Variants in RUNX1T1 observed in about 807,000 individuals in gnomAD.
RUNX1T1 encodes the protein RUNX1 partner transcriptional co-repressor 1, also known as protein CBFA2T1.
In RUNX1T1, 4 loss-of-function variants were observed where a neutral mutation model predicts 62.8. The ratio of observed to expected loss-of-function variants is 0.06; its 90% CI spans 0.03 to 0.15. The LOEUF is 0.15. Among genes scored for constraint, RUNX1T1 ranks in the 10% least tolerant of loss-of-function variants. RUNX1T1 has a pLI of 1.00. For synonymous variants in RUNX1T1, 291 were observed against 286.0 expected (o/e 1.02, Z -0.18); for missense variants, 508 against 754.3 (o/e 0.67, Z 3.82).
At chr8:92,060,522 A>AATATATATATATATAT (rs61066655) in intron 1 of RUNX1T1, among the ~76,000 whole-genome samples, 65 of 76,250 alleles carry the variant, frequency 8.5e-4, no homozygotes, top group Non-Finnish European at 1.4e-3. Flanking sequence ...TCAACTACCA[A>AATATATATATATATAT]ATATATATAT....
At chr8:92,057,275 C>A (rs1188792323) in intron 1 of RUNX1T1, among the ~76,000 whole-genome samples, 2 of 152,166 alleles carry the variant, frequency 1.3e-5, no homozygotes, top group Admixed American at 6.5e-5. Flanking sequence ...TACAAAAGAT[C>A]CTGCCATCAA....
chr8:92,024,314 C>T (rs1401651326), intron 1 of RUNX1T1, among the ~76,000 whole-genome samples: 1 of 151,648 alleles, frequency 6.6e-6, no homozygotes, highest in Non-Finnish European at 1.5e-5. Context: ...TTCAAGACCA[C>T]CCTGGCCAAC....
At chr8:91,964,291 A>C (rs1458474871) in intron 10 of RUNX1T1, among the ~76,000 whole-genome samples, 2 of 152,150 alleles carry the variant, frequency 1.3e-5, no homozygotes, top group East Asian at 3.9e-4. Context: ...CTGCAGAAAA[A>C]TCTTTTTCTG....
exon 6 of RUNX1T1, chr8:91,991,742 T>C (rs1202956881): frequency 1.2e-6 from 2 of 1,613,480 alleles, no homozygotes; most frequent in Admixed American, 1.7e-5. Context: ...AATGCTGAGG[T>C]GGAGGTGGGG....
At chr8:92,095,032 G>C in intron 1 of RUNX1T1, 1 of 1,535,356 alleles carries the variant, frequency 6.5e-7, no homozygotes, top group East Asian at 2.4e-5. Context: ...TCTCACCTCG[G>C]TGAGTCCTGT....
At chr8:91,981,520 T>C (rs1316810906) in intron 8 of RUNX1T1, among the ~76,000 whole-genome samples, 2 of 136,586 alleles carry the variant, frequency 1.5e-5, no homozygotes, top group Non-Finnish European at 3.1e-5. Context: ...GTTCAAGCAA[T>C]ACTCCGGCCT....
At chr8:92,066,602 T>A (rs1022723940), upstream of RUNX1T1, among the ~76,000 whole-genome samples, 1 of 152,208 alleles carries the variant, frequency 6.6e-6, no homozygotes, top group African/African-American at 2.4e-5. Context: ...TCTCATCACT[T>A]TGACAGTCAA....
At chr8:92,053,454 A>G (rs1830536682) in intron 1 of RUNX1T1, among the ~76,000 whole-genome samples, 1 of 152,102 alleles carries the variant, frequency 6.6e-6, no homozygotes, top group South Asian at 2.1e-4. Flanking sequence ...TATCACACAC[A>G]CTGTCAAAAG....
At chr8:92,003,083 C>T (rs778077279) in intron 5 of RUNX1T1, among the ~76,000 whole-genome samples, 5 of 152,106 alleles carry the variant, frequency 3.3e-5, no homozygotes, top group Non-Finnish European at 5.9e-5. Flanking sequence ...AAAGAATGTT[C>T]CATCCAAAGA....
At chr8:92,096,720 T>C (rs1316750659) in intron 1 of RUNX1T1, among the ~76,000 whole-genome samples, 1 of 152,130 alleles carries the variant, frequency 6.6e-6, no homozygotes, top group Non-Finnish European at 1.5e-5. Context: ...TAGCCCTAGC[T>C]GCTGTGAAAC....
At chr8:92,045,473 C>G (rs912798099) in intron 1 of RUNX1T1, among the ~76,000 whole-genome samples, 35 of 152,178 alleles carry the variant, frequency 2.3e-4, no homozygotes, top group Admixed American at 2.0e-3. Context: ...GTTCTTCCTG[C>G]TTTCTTATTT....
downstream of RUNX1T1, chr8:91,955,611 G>A (rs1055818966): frequency 4.4e-6 from 1 of 226,446 alleles, no homozygotes; most frequent in African/African-American, 2.2e-5. Context: ...GGAAACTAGA[G>A]GGCTCCAAGT....
At chr8:92,031,205 C>A (rs1488400161) in intron 1 of RUNX1T1, among the ~76,000 whole-genome samples, 1 of 152,154 alleles carries the variant, frequency 6.6e-6, no homozygotes, top group East Asian at 1.9e-4. Context: ...AATGCTGTAT[C>A]TCCGGTGTCT....
At chr8:92,047,651 T>C (rs532827275) in intron 1 of RUNX1T1, among the ~76,000 whole-genome samples, 54 of 152,110 alleles carry the variant, frequency 3.6e-4, no homozygotes, top group African/African-American at 1.2e-3. Context: ...ATTAAATGAA[T>C]ATATGACTTA....
chr8:92,102,718 T>C (rs955192071), upstream of RUNX1T1: 58 of 852,806 alleles, frequency 6.8e-5, no homozygotes, highest in Middle Eastern at 2.3e-4. The surrounding 1 kb of genome is among the most constrained non-coding windows in gnomAD (Gnocchi z 4.5). Context: ...CCTACCCTAA[T>C]TGAGCGACAA....
At chr8:92,055,185 TTTA>T (rs1830844642) in intron 1 of RUNX1T1, among the ~76,000 whole-genome samples, 1 of 152,060 alleles carries the variant, frequency 6.6e-6, no homozygotes, top group African/African-American at 2.4e-5. Context: ...TGGGAAAAAG[TTTA>T]TTAACTTCAC....
intron 8 of RUNX1T1, among the ~76,000 whole-genome samples, chr8:91,979,590 T>G (rs1814744936): frequency 6.6e-6 from 1 of 151,322 alleles, no homozygotes; most frequent in South Asian, 2.1e-4. Context: ...TGCTTTGGGA[T>G]GCAAATTGCT....
chr8:92,008,239 G>A (rs1821200284), intron 4 of RUNX1T1, among the ~76,000 whole-genome samples: 1 of 152,010 alleles, frequency 6.6e-6, no homozygotes, highest in Admixed American at 6.6e-5. Flanking sequence ...GTATCTTCAG[G>A]ACTCTATTAG....
exon 7 of RUNX1T1, chr8:91,986,961 T>G: frequency 6.2e-7 from 1 of 1,611,150 alleles, no homozygotes; most frequent in Non-Finnish European, 8.5e-7. Flanking sequence ...TCTTGACGTG[T>G]GCCATGCAAC....
Sources: allele counts gnomAD v4.1 joint callset (sites outside exome capture counted in the v4.1 genomes callset), GRCh38; gene constraint gnomAD v4.1.1; non-coding constraint Gnocchi (gnomAD v3.1); transcripts MANE v1.5; gene names NCBI Gene and HGNC (gene_info 2026-07-23, HGNC 2026-07-21).